DPYD: variants seen among roughly 807,000 people sequenced by gnomAD.
The protein encoded by DPYD is dihydropyrimidine dehydrogenase.
DPYD carries 109 observed loss-of-function variants against 116.2 expected under a neutral mutation model. The observed-to-expected ratio is 0.94, with a 90% CI of 0.80 to 1.10. DPYD has a LOEUF of 1.10. Ranked by LOEUF, DPYD falls within the 50% of genes least tolerant of loss-of-function variation. DPYD has a pLI of 0.00. For synonymous variants in DPYD, 440 were observed against 432.0 expected (o/e 1.02, Z -0.23); for missense variants, 1,302 against 1,254.5 (o/e 1.04, Z -0.57).
At chr1:97,175,510 C>A (rs572700083) in intron 20 of DPYD, among the ~76,000 whole-genome samples, 1 of 152,304 alleles carries the variant, frequency 6.6e-6, no homozygotes, top group Non-Finnish European at 1.5e-5. Flanking sequence ...TCAGGAGGGG[C>A]AGAATGATTC....
intron 4 of DPYD, among the ~76,000 whole-genome samples, chr1:97,735,324 C>T (rs184052650): frequency 6.6e-6 from 1 of 152,110 alleles, no homozygotes; most frequent in Non-Finnish European, 1.5e-5. Context: ...TCATCAGACT[C>T]GCAGAGACTT....
chr1:97,250,805 C>A (rs973769059), intron 18 of DPYD, among the ~76,000 whole-genome samples: 2 of 152,140 alleles, frequency 1.3e-5, no homozygotes, highest in Non-Finnish European at 2.9e-5. Flanking sequence ...CCCAAGAGAA[C>A]TTTCTGGTGT....
rs139871922 is a variant in DPYD, at chr1:97,862,925, T to C, written c.150+20339A>G. ...TGCCCATTTGGACAAAATCATCACA[T>C]CAATCTCGAATATCTACTAGGCAAA... On this transcript the variant is annotated intron_variant, in intron 2 of 22. Coordinates refer to ENST00000370192, the MANE Select transcript of DPYD (RefSeq NM_000110.4). 3.1e-3 allele frequency among the ~76,000 whole-genome samples: 475 copies of C among 151,918 alleles called. 5 individuals carry two copies. Among genetic ancestry groups the C allele is most frequent in the African/African-American group, 0.011 (464 of 41,512 alleles).
intron 19 of DPYD, among the ~76,000 whole-genome samples, chr1:97,232,085 A>C (rs1570723295): frequency 6.6e-6 from 1 of 152,176 alleles, no homozygotes; most frequent in East Asian, 1.9e-4. Context: ...TTCTTTAGCC[A>C]TTCTTTTGGT....
chr1:97,199,000 G>C (rs1213376885), intron 19 of DPYD, among the ~76,000 whole-genome samples: 1 of 152,110 alleles, frequency 6.6e-6, no homozygotes, highest in East Asian at 1.9e-4. Context: ...TACTTTAGGT[G>C]CAGACGCATT....
At chr1:97,186,527 CTTTCTTTTTCTGAGTTG>C (rs745713904) in intron 20 of DPYD, among the ~76,000 whole-genome samples, 130 of 152,234 alleles carry the variant, frequency 8.5e-4, no homozygotes, top group Admixed American at 1.4e-3. Context: ...CAGTATTTGA[CTTTCTTTTTCTGAGTTG>C]TTTCACTTAA....
intron 19 of DPYD, among the ~76,000 whole-genome samples, chr1:97,211,791 T>G (rs573735550): frequency 6.6e-6 from 1 of 152,256 alleles, no homozygotes; most frequent in South Asian, 2.1e-4. Flanking sequence ...AACGTGCTTA[T>G]TTTTAAATTT....
At chr1:97,133,524 C>G (rs1327946890) in intron 20 of DPYD, among the ~76,000 whole-genome samples, 1 of 151,914 alleles carries the variant, frequency 6.6e-6, no homozygotes, top group Admixed American at 6.6e-5. Context: ...GTTTTTATAT[C>G]TAACTATCTA....
chr1:97,449,569 G>GA (rs997434249), intron 14 of DPYD, among the ~76,000 whole-genome samples: 7 of 151,408 alleles, frequency 4.6e-5, no homozygotes, highest in African/African-American at 1.5e-4. Flanking sequence ...TTCTTTAAGA[G>GA]AAAAAAAAGA....
chr1:97,514,067 G>C (rs1648020751), intron 13 of DPYD: 1 of 474,732 alleles, frequency 2.1e-6, no homozygotes, highest in South Asian at 9.4e-5. Context: ...CATTTCATGT[G>C]CCAAATTTAA....
intron 8 of DPYD, among the ~76,000 whole-genome samples, chr1:97,654,331 A>C (rs1277054660): frequency 6.6e-6 from 1 of 152,200 alleles, no homozygotes; most frequent in African/African-American, 2.4e-5. Flanking sequence ...CTGACTCATT[A>C]GGAGCCAAAC....
chr1:97,559,224 T>C (rs1651961718), intron 11 of DPYD, among the ~76,000 whole-genome samples: 1 of 152,116 alleles, frequency 6.6e-6, no homozygotes, highest in African/African-American at 2.4e-5. Context: ...AAACAATTAC[T>C]GAAAGGGGTT....
chr1:97,589,302 T>C (rs958609893), intron 10 of DPYD, among the ~76,000 whole-genome samples: 5 of 152,254 alleles, frequency 3.3e-5, no homozygotes, highest in Non-Finnish European at 1.5e-5. Flanking sequence ...CCCCACTCAA[T>C]TCTCATTTTG....
chr1:97,551,050 C>T (rs2786526), intron 11 of DPYD, among the ~76,000 whole-genome samples: 3,811 of 152,144 alleles, frequency 0.025, 157 homozygotes, highest in African/African-American at 0.087. Flanking sequence ...GCCTGTGTTC[C>T]ACAGAGCACA....
chr1:97,550,374 A>G (rs1651227367), intron 11 of DPYD, among the ~76,000 whole-genome samples: 1 of 152,090 alleles, frequency 6.6e-6, no homozygotes, highest in Non-Finnish European at 1.5e-5. Context: ...TCCTTGTGGA[A>G]ATTGCTCTGT....
At chr1:97,899,486 T>C (rs1673254467) in intron 1 of DPYD, among the ~76,000 whole-genome samples, 1 of 151,894 alleles carries the variant, frequency 6.6e-6, no homozygotes, top group East Asian at 1.9e-4. Context: ...ACTATAACCA[T>C]GAATACAACA....
At chr1:97,601,406 C>T (rs1221369487) in intron 8 of DPYD, among the ~76,000 whole-genome samples, 1 of 151,682 alleles carries the variant, frequency 6.6e-6, no homozygotes, top group Non-Finnish European at 1.5e-5. Context: ...AATCATAAGC[C>T]ATTTGGGTGG....
At chr1:97,302,038 A>C (rs74104342) in intron 18 of DPYD, among the ~76,000 whole-genome samples, 161 of 152,070 alleles carry the variant, frequency 1.1e-3, no homozygotes, top group African/African-American at 3.9e-3. Flanking sequence ...CCAATCAAAT[A>C]AGTCAAAGAA....
intron 12 of DPYD, among the ~76,000 whole-genome samples, chr1:97,532,730 C>T (rs907058445): frequency 2.0e-5 from 3 of 150,000 alleles, no homozygotes; most frequent in African/African-American, 7.4e-5. Context: ...GTTTCATTTC[C>T]GATTTTATTT....
Sources: gnomAD v4.1 joint callset for allele counts (sites outside exome capture counted in the v4.1 genomes callset) on GRCh38, gnomAD v4.1.1 for gene constraint, MANE v1.5 for transcripts, NCBI Gene and HGNC (gene_info 2026-07-23, HGNC 2026-07-21) for gene names.